Variants in ACACA observed in about 807,000 individuals in gnomAD.
ACACA encodes the protein acetyl-CoA carboxylase 1.
A neutral mutation model predicts 296.1 loss-of-function variants in ACACA; 103 were observed. That is an observed-to-expected ratio of 0.35 (90% CI 0.30 to 0.41). The LOEUF (loss-of-function observed/expected upper bound fraction) is 0.41, where lower values mean the gene tolerates loss of function less well. ACACA is among the 10% of genes least tolerant of loss of function. The probability of loss-of-function intolerance (pLI) is 1.00; values close to 1 mark genes in which losing one functional copy is unlikely to be tolerated. For synonymous variants in ACACA, 953 were observed against 1,038.6 expected, an observed-to-expected ratio of 0.92 and a Z score of 1.58; for missense variants, 1,554 against 2,989.7, an observed-to-expected ratio of 0.52 and a Z score of 11.20.
intron 16 of ACACA, among the ~76,000 whole-genome samples, chr17:37,250,962 C>G (rs576992456): frequency 2.7e-5 from 4 of 150,624 alleles, no homozygotes; most frequent in Admixed American, 6.6e-5. Flanking sequence ...GAGAGGCGGA[C>G]CTTGCAGCGA....
At chr17:37,212,502 T>C (rs943390276) in intron 29 of ACACA, among the ~76,000 whole-genome samples, 6 of 152,094 alleles carry the variant, frequency 3.9e-5, no homozygotes, top group Admixed American at 6.6e-5. Context: ...TGTAAGTAGG[T>C]TTAGAGCCAG....
intron 11 of ACACA, among the ~76,000 whole-genome samples, 160 bp from the exon 12 acceptor site, chr17:37,259,690 C>G (rs1308300616): frequency 1.3e-5 from 2 of 152,018 alleles, no homozygotes; most frequent in African/African-American, 4.8e-5. Context: ...TATCCCTGGA[C>G]AAGGATGAAA....
At chr17:37,256,667 G>A (rs576055174) in intron 14 of ACACA, among the ~76,000 whole-genome samples, 3 of 152,256 alleles carry the variant, frequency 2.0e-5, no homozygotes, top group East Asian at 3.9e-4. Flanking sequence ...AGGAGGTCGA[G>A]GTTTCAGTGA....
At chr17:37,279,562 C>T (rs953101152) in intron 5 of ACACA, among the ~76,000 whole-genome samples, 43 of 151,852 alleles carry the variant, frequency 2.8e-4, no homozygotes, top group African/African-American at 1.0e-3. Context: ...GCAGGAGAAT[C>T]GCTTGAACCT....
At chr17:37,277,261 G>T in intron 6 of ACACA, 147 bp from the exon 7 acceptor site, 1 of 746,568 alleles carries the variant, frequency 1.3e-6, no homozygotes, top group Non-Finnish European at 2.3e-6. Context: ...ATGCTTGATT[G>T]TTGGCAAACT....
chr17:37,258,080 T>C (rs1242730867), intron 13 of ACACA, 132 bp downstream of exon 13: 4 of 1,237,698 alleles, frequency 3.2e-6, no homozygotes, highest in Non-Finnish European at 4.6e-6. Context: ...CATTTACTTA[T>C]CTGCTCTGAG....
chr17:37,090,238 A>G (rs901503350), intron 54 of ACACA, among the ~76,000 whole-genome samples: 1 of 152,142 alleles, frequency 6.6e-6, no homozygotes, highest in Non-Finnish European at 1.5e-5. Flanking sequence ...TTTTCTAACT[A>G]TCTCGTGCCT....
intron 13 of ACACA, 113 bp from the exon 14 acceptor site, chr17:37,257,979 A>T: frequency 7.1e-7 from 1 of 1,401,948 alleles, no homozygotes. Context: ...GAAGACACAC[A>T]AAAATGATAA....
At chr17:37,245,029 C>T (rs1308018214) in intron 20 of ACACA, 51 bp downstream of exon 20, 2 of 1,613,636 alleles carry the variant, frequency 1.2e-6, no homozygotes, top group African/African-American at 2.7e-5. Context: ...CTCCAAACCA[C>T]CAAGTTCTTT....
intron 14 of ACACA, among the ~76,000 whole-genome samples, chr17:37,256,489 A>G (rs1444251352): frequency 6.6e-6 from 1 of 152,232 alleles, no homozygotes; most frequent in Non-Finnish European, 1.5e-5. Context: ...GCTCATGCCT[A>G]TAATACCAGC....
intron 10 of ACACA, among the ~76,000 whole-genome samples, chr17:37,269,521 T>G (rs534809216): frequency 6.6e-6 from 1 of 152,214 alleles, no homozygotes; most frequent in African/African-American, 2.4e-5. Context: ...GACTATCTCA[T>G]GTAGTTTACT....
In ACACA at chr17:37,171,475, A is replaced by G. The variant is rs9908334; in HGVS notation, c.5079+7785T>C. The stretch of plus-strand genomic sequence containing the variant: ...AGAAAATTATTTTGAGCTCCTTCAC[A>G]TGATCACAGAACACTAAATAATAGA... On this transcript the variant is annotated intron_variant, in intron 41 of 55. Transcript: ENST00000616317. Among the ~76,000 whole-genome samples the G allele has an allele frequency of 9.8e-3, 1,487 of 152,320 alleles. 22 individuals are homozygous for G. The highest frequency in any genetic ancestry group is 0.034 in the African/African-American group (1,415 of 41,558).
chr17:37,263,133 T>A (rs1412049432), intron 11 of ACACA, among the ~76,000 whole-genome samples: 2 of 152,276 alleles, frequency 1.3e-5, no homozygotes, highest in East Asian at 3.9e-4. Context: ...GAAATATATT[T>A]TGAAGAATCT....
chr17:37,319,690 C>A (rs901630673), intron 3 of ACACA, among the ~76,000 whole-genome samples: 1 of 151,978 alleles, frequency 6.6e-6, no homozygotes, highest in African/African-American at 2.4e-5. Context: ...CTGTGGCTCA[C>A]GCCTGTAATC....
chr17:37,273,899 TA>T, intron 9 of ACACA, among the ~76,000 whole-genome samples: 1 of 152,288 alleles, frequency 6.6e-6, no homozygotes, highest in African/African-American at 2.4e-5. Flanking sequence ...AGCACCTCCT[TA>T]AAACTCTGAC....
Position 37,355,438 on chromosome 17 carries a change from C to A in ACACA, c.39-15588G>T, listed in dbSNP as rs554804915. On this transcript the variant is annotated intron_variant, in intron 1 of 55. Transcript: ENST00000616317. ...AGGTGTGGTGGCAGGCGCCTGTAAT[C>A]CGAGCTACACGGGAGGCTGAGGCAG... Among the ~76,000 whole-genome samples the A allele has an allele frequency of 2.0e-5, 3 of 151,760 alleles. No individual in the cohort carries two copies. In the Middle Eastern group the frequency reaches 0.01, roughly 516 times the overall value.
Position 37,111,656 on chromosome 17 carries a change from G to C in ACACA, c.6453-13C>G. 6.2e-7 allele frequency: 1 copy of C among 1,602,986 alleles called. No homozygotes were observed. Among genetic ancestry groups the C allele is most frequent in the Non-Finnish European group, 8.5e-7 (1 of 1,170,082 alleles). The stretch of plus-strand genomic sequence containing the variant: ...CAGAACAGATCCCCTGGATCAGAAA[G>C]AAAGAAAAAACAAAACAGAAATAGA... On this transcript the variant is annotated splice_polypyrimidine_tract_variant and intron_variant, in intron 51 of 55. Transcript: ENST00000616317.
At chr17:37,331,094 CATTTATTTATTTATTTATTT>C (rs34937895) in intron 2 of ACACA, among the ~76,000 whole-genome samples, 1 of 146,274 alleles carries the variant, frequency 6.8e-6, no homozygotes, top group South Asian at 2.2e-4. Flanking sequence ...TTTTATTTTT[CATTTATTTATTTATTTATTT>C]ATTTATTTAT....
intron 45 of ACACA, among the ~76,000 whole-genome samples, chr17:37,147,273 A>G (rs2075851405): frequency 1.3e-5 from 2 of 152,188 alleles, no homozygotes; most frequent in South Asian, 4.1e-4. Flanking sequence ...AAAAACACAA[A>G]GACTTTCTCA....
Sources: gnomAD v4.1 joint callset for allele counts (sites outside exome capture counted in the v4.1 genomes callset) on GRCh38, gnomAD v4.1.1 for gene constraint, MANE v1.5 for transcripts, NCBI Gene and HGNC (gene_info 2026-07-23, HGNC 2026-07-21) for gene names.